The following ACVR2A variants were observed in gnomAD, a reference collection of about 807,000 sequenced individuals.
ACVR2A encodes the protein activin A receptor type 2A, also known as activin receptor type-2A.
ACVR2A carries 7 observed loss-of-function variants against 61.4 expected under a neutral mutation model. The ratio of observed to expected loss-of-function variants is 0.11; its 90% CI spans 0.06 to 0.21. ACVR2A has a LOEUF of 0.21. Among genes scored for constraint, ACVR2A ranks in the 10% least tolerant of loss-of-function variants. The pLI is 1.00. For missense variants in ACVR2A, 322 were observed against 621.7 expected (o/e 0.52, Z 5.13); for synonymous variants, 193 against 208.3 (o/e 0.93, Z 0.63).
At chr2:147,906,583 A>G (rs1486109516) in intron 4 of ACVR2A, among the ~76,000 whole-genome samples, 1 of 152,194 alleles carries the variant, frequency 6.6e-6, no homozygotes, top group Non-Finnish European at 1.5e-5. Flanking sequence ...AGCTAATGCT[A>G]AGTGCTCAGT....
Position 147,899,979 on chromosome 2 carries a change from A to T in ACVR2A, c.528+81A>T, listed in dbSNP as rs548553143. The T allele has an allele frequency of 1.1e-5, 15 of 1,403,858 alleles. No homozygotes were observed. The South Asian group carries it at 1.7e-4, about 15-fold the overall frequency. 87.0% of individuals were successfully genotyped at this position (1,403,858 alleles called of 1,614,324 possible). ...TTACTGTGGTGAAACCCACTAACTT[A>T]TTACAGATTATTTTCCTTTGGAGTT... On this transcript the variant is annotated intron_variant, in intron 4 of 10. Coordinates refer to ENST00000241416, the MANE Select transcript of ACVR2A (RefSeq NM_001616.5).
chr2:147,856,017 C>T (rs1333388322), intron 1 of ACVR2A, among the ~76,000 whole-genome samples: 3 of 151,938 alleles, frequency 2.0e-5, no homozygotes, highest in African/African-American at 7.3e-5. Context: ...TATCTTAATT[C>T]TTAGAAATTT....
chr2:147,877,412 C>T (rs1198427339), intron 1 of ACVR2A: 1 of 152,072 alleles, frequency 6.6e-6, no homozygotes, highest in African/African-American at 2.4e-5. Context: ...TTTATTAAAA[C>T]ATAAGCAAGG....
chr2:147,898,556 C>T (rs1413659389), intron 2 of ACVR2A, among the ~76,000 whole-genome samples: 1 of 152,006 alleles, frequency 6.6e-6, no homozygotes, highest in East Asian at 1.9e-4. Context: ...ATTTCTTCAG[C>T]TTTTCACTTA....
At chr2:147,901,782 A>G (rs1686876476) in intron 4 of ACVR2A, among the ~76,000 whole-genome samples, 1 of 152,000 alleles carries the variant, frequency 6.6e-6, no homozygotes, top group South Asian at 2.1e-4. Context: ...GTCATAAACT[A>G]TGTTGTGGAA....
At chr2:147,851,268 C>T (rs187168373) in intron 1 of ACVR2A, among the ~76,000 whole-genome samples, 107 of 152,164 alleles carry the variant, frequency 7.0e-4, no homozygotes, top group Admixed American at 6.9e-3. Context: ...TTTTTTCTAA[C>T]CTCTTGGTAT....
chr2:147,892,564 A>G (rs950009511), intron 1 of ACVR2A, among the ~76,000 whole-genome samples: 5 of 151,132 alleles, frequency 3.3e-5, no homozygotes, highest in African/African-American at 1.2e-4. Flanking sequence ...TTTAAATATT[A>G]ACTTATTTAA....
chr2:147,848,902 A>G (rs1685383911), intron 1 of ACVR2A, among the ~76,000 whole-genome samples: 1 of 152,172 alleles, frequency 6.6e-6, no homozygotes, highest in Non-Finnish European at 1.5e-5. Context: ...TCTTCCCCCT[A>G]AAGTTAGTAA....
chr2:147,865,325 C>G (rs1685826254), intron 1 of ACVR2A, among the ~76,000 whole-genome samples: 1 of 152,190 alleles, frequency 6.6e-6, no homozygotes. Flanking sequence ...CCCTCTTTAA[C>G]CAACTGTTAA....
intron 2 of ACVR2A, 61 bp from the exon 3 acceptor site, chr2:147,899,397 C>T: frequency 1.9e-6 from 2 of 1,048,072 alleles, no homozygotes; most frequent in Non-Finnish European, 2.7e-6. Flanking sequence ...AATAAAAACA[C>T]TTGTTGTAGG....
chr2:147,902,704 T>C (rs970038717), intron 4 of ACVR2A, among the ~76,000 whole-genome samples: 1 of 152,002 alleles, frequency 6.6e-6, no homozygotes, highest in African/African-American at 2.4e-5. Context: ...GATAAAAATA[T>C]CTGTGCTTGA....
At chr2:147,868,631 T>C (rs1685936093) in intron 1 of ACVR2A, among the ~76,000 whole-genome samples, 1 of 151,332 alleles carries the variant, frequency 6.6e-6, no homozygotes, top group Non-Finnish European at 1.5e-5. Flanking sequence ...TTTTATTTAT[T>C]TATTTATTTA....
chr2:147,857,529 C>CT (rs1308867893), intron 1 of ACVR2A, among the ~76,000 whole-genome samples: 1 of 108,250 alleles, frequency 9.2e-6, no homozygotes, highest in African/African-American at 3.6e-5. Flanking sequence ...GAATGGTTTT[C>CT]TTTAAAAAAA....
chr2:147,899,951 A>C, intron 4 of ACVR2A, 53 bp downstream of exon 4: 1 of 1,559,366 alleles, frequency 6.4e-7, no homozygotes. Flanking sequence ...TTTTTGAGAA[A>C]TATTACTGTG....
chr2:147,906,838 T>TC (rs1686998242), intron 4 of ACVR2A, among the ~76,000 whole-genome samples: 1 of 150,166 alleles, frequency 6.7e-6, no homozygotes. Flanking sequence ...TTTTTTTTTT[T>TC]TAACTTTAAA....
In ACVR2A at chr2:147,901,447, T is replaced by C. The variant is rs529901598; in HGVS notation, c.528+1549T>C. Among the ~76,000 whole-genome samples, 4 of 152,176 alleles carry C rather than the reference T, an allele frequency of 2.6e-5. No homozygotes were observed. The East Asian group carries it at 7.7e-4, about 29-fold the overall frequency. ...AAAGCTTTTCTTAAAGGGCTTTATA[T>C]CCTATGTATGTGGTCAGTTTTTTAA... On this transcript the variant is annotated intron_variant, in intron 4 of 10. Transcript: ENST00000241416.
intron 1 of ACVR2A, among the ~76,000 whole-genome samples, chr2:147,869,217 G>T (rs948539987): frequency 1.3e-5 from 2 of 151,590 alleles, no homozygotes; most frequent in Admixed American, 1.3e-4. Context: ...TTTCCTTTTG[G>T]CTGGTAACTT....
At chr2:147,883,335 C>T (rs947470077) in intron 1 of ACVR2A, among the ~76,000 whole-genome samples, 7 of 152,114 alleles carry the variant, frequency 4.6e-5, no homozygotes, top group Non-Finnish European at 8.8e-5. Context: ...GGATTATAGG[C>T]GCACGCTACC....
chr2:147,844,656 C>T (rs1179485100), upstream of ACVR2A: 1 of 155,582 alleles, frequency 6.4e-6, no homozygotes, highest in Non-Finnish European at 1.4e-5. Flanking sequence ...GCCGCCACCG[C>T]CGCGAGCTCG....
Sources: allele counts gnomAD v4.1 joint callset (sites outside exome capture counted in the v4.1 genomes callset), GRCh38; gene constraint gnomAD v4.1.1; transcripts MANE v1.5; gene names NCBI Gene and HGNC (gene_info 2026-07-23, HGNC 2026-07-21).